HNF1B: variants seen among roughly 807,000 people sequenced by gnomAD.
HNF1B encodes the protein hepatocyte nuclear factor 1-beta.
A neutral mutation model predicts 61.7 loss-of-function variants in HNF1B; 8 were observed. The observed-to-expected ratio is 0.13, with a 90% CI of 0.08 to 0.23. HNF1B has a LOEUF of 0.23. HNF1B is among the 10% of genes least tolerant of loss of function. HNF1B has a pLI of 1.00. For missense variants in HNF1B, 562 were observed against 714.5 expected, an observed-to-expected ratio of 0.79 and a Z score of 2.43; for synonymous variants, 314 against 287.7, an observed-to-expected ratio of 1.09 and a Z score of -0.93.
In HNF1B at chr17:37,739,653, C is replaced by T. The variant is rs566299271; in HGVS notation, c.345-14G>A. 2.5e-6 allele frequency: 4 copies of T among 1,600,278 alleles called. No individual in the cohort carries two copies. In the South Asian group the frequency reaches 4.5e-5, roughly 18 times the overall value. ...CAAGGGTCCTCACTAGACAGACAAG[C>T]AGATGGTTAGGGTACTAGTGGGAGA... is the stretch of plus-strand genomic sequence containing the variant. On this transcript the variant is annotated splice_polypyrimidine_tract_variant and intron_variant, in intron 1 of 8. Coordinates refer to ENST00000617811, the MANE Select transcript of HNF1B (RefSeq NM_000458.4).
intron 2 of HNF1B, among the ~76,000 whole-genome samples, chr17:37,736,047 C>T (rs2033823808): frequency 6.6e-6 from 1 of 152,228 alleles, no homozygotes; most frequent in South Asian, 2.1e-4. Flanking sequence ...GGGTTACAGG[C>T]GTGAGCCACC....
At chr17:37,722,478 G>T (rs7223387) in intron 4 of HNF1B, among the ~76,000 whole-genome samples, 107,279 of 152,096 alleles carry the variant, frequency 0.71, 38,222 homozygotes, top group Middle Eastern at 0.82. Flanking sequence ...GTGCTATACT[G>T]GGCTACCCAG....
intron 6 of HNF1B, among the ~76,000 whole-genome samples, chr17:37,701,445 C>T (rs2032568268): frequency 6.6e-6 from 1 of 152,210 alleles, no homozygotes; most frequent in Admixed American, 6.5e-5. Flanking sequence ...TGTGACCTCC[C>T]AAACTTAGCT....
intron 8 of HNF1B, among the ~76,000 whole-genome samples, chr17:37,697,717 G>T (rs187903590): frequency 1.9e-3 from 294 of 152,220 alleles, no homozygotes; most frequent in African/African-American, 6.8e-3. Flanking sequence ...GAACTCGCAC[G>T]GGAGTCGAAG....
At position 37,687,059 on chromosome 17, in the gene HNF1B, C is replaced by G. The variant is rs1435971179; in HGVS notation, c.*313G>C. The G allele has an allele frequency of 1.6e-5, 9 of 579,626 alleles. No individual in the cohort carries two copies. Among genetic ancestry groups the G allele is most frequent in the Non-Finnish European group, 2.5e-5 (8 of 324,484 alleles). 35.9% of individuals were successfully genotyped at this position (579,626 alleles called of 1,614,324 possible). ...CGCATCAGTTTGTTCGATGAAGGATCACAACATAGACAGTACGGCTTTCTT... is the reference window on the plus strand; with the variant it reads ...CGCATCAGTTTGTTCGATGAAGGATGACAACATAGACAGTACGGCTTTCTT... On this transcript the variant is annotated 3_prime_UTR_variant, in exon 9 of 9. Coordinates refer to ENST00000617811, the MANE Select transcript of HNF1B (RefSeq NM_000458.4).
intron 1 of HNF1B, among the ~76,000 whole-genome samples, chr17:37,743,513 G>A (rs2034066268): frequency 6.6e-6 from 1 of 152,254 alleles, no homozygotes; most frequent in African/African-American, 2.4e-5. Flanking sequence ...CAAATGCAAG[G>A]TCATATCCCA....
chr17:37,714,653 A>C (rs956130560), intron 4 of HNF1B, among the ~76,000 whole-genome samples: 1 of 152,178 alleles, frequency 6.6e-6, no homozygotes, highest in African/African-American at 2.4e-5. Flanking sequence ...ACTTTCCTCT[A>C]TTCCTAGGCA....
intron 1 of HNF1B, 84 bp from the exon 2 acceptor site, chr17:37,739,723 T>A: frequency 7.8e-7 from 1 of 1,275,594 alleles, no homozygotes; most frequent in Non-Finnish European, 1.1e-6. Flanking sequence ...CTACCTATGG[T>A]CTATGCAAAA....
intron 4 of HNF1B, among the ~76,000 whole-genome samples, chr17:37,727,518 G>A (rs1284124956): frequency 1.3e-5 from 2 of 152,198 alleles, no homozygotes; most frequent in Non-Finnish European, 2.9e-5. Flanking sequence ...ATGCATAAGG[G>A]AGACAAAGCC....
chr17:37,710,657 C>T lies in HNF1B; in HGVS notation c.1052G>A (p.Arg351His), dbSNP rs550274701. The T allele has an allele frequency of 5.0e-6, 8 of 1,613,578 alleles. No individual in the cohort carries two copies. The highest frequency in any genetic ancestry group is 2.7e-5 in the African/African-American group (2 of 75,000). ...CTCATTGTTTCCCTGCTGGCTGTAG[C>T]GCACTCCTGCAAAACAACACAAACC... is the stretch of plus-strand genomic sequence containing the variant. ...SSPPNKLSGV[R>H]YSQQGNNEIT... Residue 351 changes from arginine to histidine, a missense_variant, in exon 5 of 9, where the codon CGC becomes CAC. This residue lies in a region of HNF1B where 211 missense variants were observed against 200.7 expected (regional missense o/e 1.05). Coordinates refer to ENST00000617811, the MANE Select transcript of HNF1B (RefSeq NM_000458.4).
chr17:37,741,724 A>G (rs1028757485), intron 1 of HNF1B, among the ~76,000 whole-genome samples: 2 of 152,198 alleles, frequency 1.3e-5, no homozygotes, highest in Admixed American at 6.5e-5. Context: ...TTTTGTTTAA[A>G]TGCCTTTACC....
At position 37,687,211 on chromosome 17, in the gene HNF1B, G is replaced by A. The variant is rs1208287391; in HGVS notation, c.*161C>T. On this transcript the variant is annotated 3_prime_UTR_variant, in exon 9 of 9. Coordinates refer to ENST00000617811, the MANE Select transcript of HNF1B (RefSeq NM_000458.4). ...GGGCTTCGGGCTGCGCCTCCTGAGAGTGGATTGTCTGAGGTGCCAGCAGGA... is the reference window on the plus strand; with the variant it reads ...GGGCTTCGGGCTGCGCCTCCTGAGAATGGATTGTCTGAGGTGCCAGCAGGA... The A allele has an allele frequency of 1.7e-6, 2 of 1,155,308 alleles. No individual in the cohort carries two copies. Among genetic ancestry groups the A allele is most frequent in the Non-Finnish European group, 2.5e-6 (2 of 787,482 alleles). 71.6% of individuals were successfully genotyped at this position (1,155,308 alleles called of 1,614,324 possible). A position where few individuals can be genotyped will look rare whatever the true frequency, so the allele number is the denominator to read the frequency against.
rs1236535420 is a variant in HNF1B at position 37,704,933 on chromosome 17, G to A, written c.1323C>T (p.Val441=). 6.2e-7 allele frequency: 1 copy of A among 1,614,136 alleles called. No homozygotes were observed. The highest frequency in any genetic ancestry group is 1.7e-5 in the Admixed American group (1 of 60,022). The change falls in exon 6 of 9, where the codon GTC becomes GTT. Residue 441 remains valine, a synonymous_variant. Transcript: ENST00000617811. ...QNLIMTPLSG[V]MAIAQSLNTS... ...AGAACTTACTTTGTGCAATTGCCAT[G>A]ACTCCAGAGAGGGGTGTCATGATGA... is the stretch of plus-strand genomic sequence containing the variant.
intron 7 of HNF1B, among the ~76,000 whole-genome samples, chr17:37,700,300 CAG>C (rs1401220531): frequency 6.6e-6 from 1 of 152,160 alleles, no homozygotes; most frequent in African/African-American, 2.4e-5. Flanking sequence ...GGCAGAGAAA[CAG>C]AGGATGGGAT....
intron 4 of HNF1B, among the ~76,000 whole-genome samples, chr17:37,722,012 A>C (rs530456185): frequency 6.6e-6 from 1 of 152,008 alleles, no homozygotes; most frequent in Non-Finnish European, 1.5e-5. Context: ...TCATCTCTCA[A>C]TTCTGACTCC....
chr17:37,699,073 T>A lies in HNF1B; in HGVS notation c.1653+3A>T. 1 of 1,604,884 alleles carries A rather than the reference T, an allele frequency of 6.2e-7. No homozygotes were observed. Among genetic ancestry groups the A allele is most frequent in the Non-Finnish European group, 8.5e-7 (1 of 1,171,522 alleles). On this transcript the variant is annotated splice_donor_region_variant and intron_variant, in intron 8 of 8. Coordinates refer to ENST00000617811, the MANE Select transcript of HNF1B (RefSeq NM_000458.4). ...CAACCCCCGCAAATCCTGCTGGCAT[T>A]ACCTGTTTACTTGAAGACATGTTGG... is the stretch of plus-strand genomic sequence containing the variant.
At chr17:37,694,850 G>T (rs909072221) in intron 8 of HNF1B, among the ~76,000 whole-genome samples, 1 of 152,174 alleles carries the variant, frequency 6.6e-6, no homozygotes, top group Admixed American at 6.5e-5. Context: ...ACAACCCACA[G>T]TAGCTACGGA....
At chr17:37,737,983 C>T (rs1283059089) in intron 2 of HNF1B, among the ~76,000 whole-genome samples, 2 of 152,218 alleles carry the variant, frequency 1.3e-5, no homozygotes, top group African/African-American at 4.8e-5. Flanking sequence ...TCCAGTCTGC[C>T]TTTCCTGCCT....
At chr17:37,726,755 A>C (rs2033512392) in intron 4 of HNF1B, among the ~76,000 whole-genome samples, 1 of 152,192 alleles carries the variant, frequency 6.6e-6, no homozygotes, top group East Asian at 1.9e-4. Context: ...GAAAGGGAGG[A>C]GCAGCAGCCA....
Sources: gnomAD v4.1 joint callset for allele counts (sites outside exome capture counted in the v4.1 genomes callset) on GRCh38, gnomAD v4.1.1 for gene constraint, gnomAD v4.1.1 regional missense constraint, MANE v1.5 for transcripts, NCBI Gene and HGNC (gene_info 2026-07-23, HGNC 2026-07-21) for gene names.